The following SLC14A2 variants were observed in gnomAD, a reference collection of about 807,000 sequenced individuals.
SLC14A2 encodes solute carrier family 14 member 2.
In SLC14A2, 91 loss-of-function variants were observed where a neutral mutation model predicts 104.6. That is an observed-to-expected ratio of 0.87 (90% confidence interval 0.73 to 1.04). The LOEUF (loss-of-function observed/expected upper bound fraction) is 1.04. SLC14A2 is among the 50% of genes least tolerant of loss of function. The pLI is 0.00. For missense variants in SLC14A2, 1,189 were observed against 1,156.0 expected, an observed-to-expected ratio of 1.03 and a Z score of -0.41; for synonymous variants, 476 against 466.4, an observed-to-expected ratio of 1.02 and a Z score of -0.27.
chr18:45,389,256 A>G (rs556565163), intron 1 of SLC14A2, among the ~76,000 whole-genome samples: 62 of 152,350 alleles, frequency 4.1e-4, no homozygotes, highest in Non-Finnish European at 7.8e-4. Context: ...CAAGTTTGCG[A>G]CTTGTTTTCC....
chr18:45,284,700 A>G (rs978814947), intron 1 of SLC14A2, among the ~76,000 whole-genome samples: 6 of 152,122 alleles, frequency 3.9e-5, no homozygotes, highest in African/African-American at 1.4e-4. Context: ...ATGTTGACTG[A>G]TGAAAAAACC....
intron 1 of SLC14A2, among the ~76,000 whole-genome samples, chr18:45,295,703 C>T (rs1363636943): frequency 6.6e-6 from 1 of 152,142 alleles, no homozygotes; most frequent in African/African-American, 2.4e-5. Flanking sequence ...TGCCTTTTCA[C>T]CTTGATAACT....
chr18:45,488,957 A>C (rs931242670), intron 2 of SLC14A2, among the ~76,000 whole-genome samples: 35 of 152,178 alleles, frequency 2.3e-4, no homozygotes, highest in Non-Finnish European at 3.7e-4. Context: ...ACTTTTCCAC[A>C]CATCCAGGCT....
At chr18:45,602,917 T>C (rs1027244169) in intron 2 of SLC14A2, among the ~76,000 whole-genome samples, 2 of 152,270 alleles carry the variant, frequency 1.3e-5, no homozygotes, top group African/African-American at 4.8e-5. Flanking sequence ...CTGGTCTTTT[T>C]AGTTAGCTAA....
At chr18:45,541,171 G>T (rs1207131850) in intron 2 of SLC14A2, among the ~76,000 whole-genome samples, 1 of 152,148 alleles carries the variant, frequency 6.6e-6, no homozygotes. Flanking sequence ...TTGTCTTCTT[G>T]CCAGTGGTTC....
At chr18:45,560,325 G>A (rs1257298606) in intron 2 of SLC14A2, among the ~76,000 whole-genome samples, 1 of 152,130 alleles carries the variant, frequency 6.6e-6, no homozygotes, top group Non-Finnish European at 1.5e-5. Flanking sequence ...GTCAGTAACT[G>A]ACCATTGCTC....
chr18:45,657,651 TAAGAGAG>T (rs992841590), intron 10 of SLC14A2, among the ~76,000 whole-genome samples: 1 of 152,108 alleles, frequency 6.6e-6, no homozygotes, highest in Admixed American at 6.5e-5. Flanking sequence ...GACTACAAGA[TAAGAGAG>T]AAGAGACACC....
At chr18:45,425,063 G>A (rs938789824) in intron 1 of SLC14A2, among the ~76,000 whole-genome samples, 2 of 152,156 alleles carry the variant, frequency 1.3e-5, no homozygotes, top group Non-Finnish European at 2.9e-5. Flanking sequence ...TAATGGCAAA[G>A]CTAACTTTTA....
the SLC14A2 span, among the ~76,000 whole-genome samples, chr18:45,176,191 C>A: frequency 1.3e-5 from 2 of 152,148 alleles, no homozygotes; most frequent in Non-Finnish European, 2.9e-5. Context: ...TCCTAAGCAC[C>A]AGGCATCAGC....
At chr18:45,291,739 C>T (rs933144064) in intron 1 of SLC14A2, among the ~76,000 whole-genome samples, 1 of 151,944 alleles carries the variant, frequency 6.6e-6, no homozygotes, top group African/African-American at 2.4e-5. Flanking sequence ...AGAATGAATC[C>T]CCCCTCAGCA....
At chr18:45,478,601 T>C (rs1450356149) in intron 1 of SLC14A2, among the ~76,000 whole-genome samples, 1 of 152,224 alleles carries the variant, frequency 6.6e-6, no homozygotes, top group East Asian at 1.9e-4. Context: ...CTGGCTCATA[T>C]TTGACTGAGA....
chr18:45,632,363 T>A lies in SLC14A2; in HGVS notation c.535T>A (p.Ser179Thr), dbSNP rs753069810. The A allele has an allele frequency of 3.7e-6, 6 of 1,613,138 alleles. No individual in the cohort carries two copies. The South Asian group carries it at 5.5e-5, about 15-fold the overall frequency. Residue 179 changes from serine to threonine, a missense_variant, in exon 5 of 20, where the codon TCA becomes ACA. By Grantham distance (58) the Ser-to-Thr change is moderately conservative. Transcript: ENST00000255226. ...ALGQDRSAIA[S>T]GLHGYNGMLV... ...TTTCACCGCCAGGTCTGCCATTGCC[T>A]CAGGACTCCATGGGTACAACGGGAT...
Position 45,424,416 on chromosome 18 carries a change from G to C in SLC14A2, c.-124-58817G>C, listed in dbSNP as rs563416724. ...AGCAATGATTGCAAAGAACATGGAA[G>C]GGGGGATGCTAAGGCAAAGCTAATG... On this transcript the variant is annotated intron_variant, in intron 1 of 20. Transcript: ENST00000586448. Among the ~76,000 whole-genome samples, 6 of 152,316 alleles carry C rather than the reference G, an allele frequency of 3.9e-5. No homozygotes were observed. In the South Asian group the frequency reaches 1.2e-3, roughly 32 times the overall value.
chr18:45,177,769 T>A, the SLC14A2 span, among the ~76,000 whole-genome samples: 1 of 152,192 alleles, frequency 6.6e-6, no homozygotes, highest in Non-Finnish European at 1.5e-5. Context: ...TATTAGTAGT[T>A]TATTACTAGT....
At position 45,436,574 on chromosome 18, in the gene SLC14A2, G is replaced by A. The variant is rs919490350; in HGVS notation, c.-124-46659G>A. ...CTACAATTTTTTTCTCCTCATAAAC[G>A]AGTCTTGAAAACAGTGAACTGACCA... is the stretch of plus-strand genomic sequence containing the variant. On this transcript the variant is annotated intron_variant, in intron 1 of 20. Transcript: ENST00000586448. The A allele has an allele frequency of 4.6e-5, 7 of 151,844 alleles. No homozygotes were observed. In the East Asian group the frequency reaches 9.7e-4, roughly 21 times the overall value. 9.4% of individuals were successfully genotyped at this position (151,844 alleles called of 1,614,324 possible).
At chr18:45,672,047 G>C (rs201317195) in intron 16 of SLC14A2, among the ~76,000 whole-genome samples, 18 of 152,284 alleles carry the variant, frequency 1.2e-4, no homozygotes, top group Non-Finnish European at 1.3e-4. Flanking sequence ...AGGGTGCCCT[G>C]GGGGTTTATT....
chr18:45,427,084 T>C (rs1242954793), intron 1 of SLC14A2, among the ~76,000 whole-genome samples: 1 of 152,136 alleles, frequency 6.6e-6, no homozygotes, highest in Non-Finnish European at 1.5e-5. Context: ...CATTCCGACA[T>C]ACCTGCTGAG....
chr18:45,412,710 C>A (rs2086227700), intron 1 of SLC14A2, among the ~76,000 whole-genome samples: 1 of 152,206 alleles, frequency 6.6e-6, no homozygotes, highest in East Asian at 1.9e-4. Flanking sequence ...ACAGCAGCCA[C>A]CCCTGAGATG....
intron 2 of SLC14A2, among the ~76,000 whole-genome samples, chr18:45,524,325 G>A (rs1200827809): frequency 6.6e-6 from 1 of 152,156 alleles, no homozygotes; most frequent in Non-Finnish European, 1.5e-5. Flanking sequence ...GTACTGATGA[G>A]GTCCTCAATA....
Sources: allele counts gnomAD v4.1 joint callset (sites outside exome capture counted in the v4.1 genomes callset), GRCh38; gene constraint gnomAD v4.1.1; transcripts MANE v1.5; gene names NCBI Gene and HGNC (gene_info 2026-07-23, HGNC 2026-07-21).